Variants in AKT2 observed in about 807,000 individuals in gnomAD.
The protein encoded by AKT2 is RAC-beta serine/threonine-protein kinase.
In AKT2, 16 loss-of-function variants were observed where a neutral mutation model predicts 58.6. The observed-to-expected ratio is 0.27, with a 90% CI of 0.18 to 0.41. The LOEUF (loss-of-function observed/expected upper bound fraction) is 0.41. AKT2 is among the 10% of genes least tolerant of loss of function. The pLI is 1.00. For synonymous variants in AKT2, 253 were observed against 254.0 expected, an observed-to-expected ratio of 1.00 and a Z score of 0.04; for missense variants, 438 against 661.0, an observed-to-expected ratio of 0.66 and a Z score of 3.70.
chr19:40,275,280 C>T (rs1420091224), intron 1 of AKT2: 1 of 456,806 alleles, frequency 2.2e-6, no homozygotes, highest in South Asian at 1.5e-5. Context: ...TGCACGCATG[C>T]ACGGGAGCCC....
chr19:40,242,619 G>C lies in AKT2; in HGVS notation c.356C>G (p.Pro119Arg). The part of the protein sequence containing the change: ...SLKQRAPGED[P>R]MDYKCGSPSD... ...GGGGGAGCCACACTTGTAGTCCATG[G>C]GGTCCTCGCCTGGGGCCCGCTGCTT... The change falls in exon 5 of 14, where the codon CCC becomes CGC. Residue 119 changes from proline (P) to arginine (R), a missense_variant. By Grantham distance (103) the Pro-to-Arg change is moderately radical. This residue lies in a region of AKT2 where 244 missense variants were observed against 347.1 expected (regional missense o/e 0.70). Transcript: ENST00000392038. The surrounding 1 kb of genome is among the most constrained non-coding windows in gnomAD (Gnocchi z 4.3). 1 of 1,613,782 alleles carries C rather than the reference G, an allele frequency of 6.2e-7. No homozygotes were observed. The highest frequency in any genetic ancestry group is 8.5e-7 in the Non-Finnish European group (1 of 1,180,032).
At chr19:40,263,996 G>A (rs928111258) in intron 2 of AKT2, among the ~76,000 whole-genome samples, 1 of 152,004 alleles carries the variant, frequency 6.6e-6, no homozygotes, top group African/African-American at 2.4e-5. Context: ...TCCATGGCTC[G>A]CGCCACCGTG....
intron 1 of AKT2, among the ~76,000 whole-genome samples, chr19:40,281,490 TCAAAA>T (rs1434922194): frequency 6.6e-6 from 1 of 150,562 alleles, no homozygotes; most frequent in Non-Finnish European, 1.5e-5. Flanking sequence ...AGGCCCTGTC[TCAAAA>T]GAAAAAAAAA....
chr19:40,257,586 A>AACACAC (rs59835118), intron 2 of AKT2, among the ~76,000 whole-genome samples: 25,647 of 146,048 alleles, frequency 0.18, 2,591 homozygotes, highest in African/African-American at 0.28. Context: ...TATGCACACA[A>AACACAC]ACACACACAC....
In AKT2 at chr19:40,233,303, C is replaced by G; in HGVS notation, c.*569G>C. 5.1e-6 allele frequency: 2 copies of G among 390,628 alleles called. No homozygotes were observed. Among genetic ancestry groups the G allele is most frequent in the Non-Finnish European group, 9.7e-6 (2 of 206,410 alleles). The allele number at this position is 390,628 out of a possible 1,614,324, so 24.2% of individuals were successfully genotyped here. A position where few individuals can be genotyped will look rare whatever the true frequency, so the allele number is the denominator to read the frequency against. On this transcript the variant is annotated 3_prime_UTR_variant, in exon 14 of 14. Coordinates refer to ENST00000392038, the MANE Select transcript of AKT2 (RefSeq NM_001626.6). The surrounding 1 kb of genome is among the most constrained non-coding windows in gnomAD (Gnocchi z 4.3). The stretch of plus-strand genomic sequence containing the variant: ...CCATTCACCAGGGAGCAGCCCTAAC[C>G]CCCAGCCCTGCAGCTCCCAAGGGCC...
rs752087424 is a variant in AKT2 at position 40,239,994 on chromosome 19, C to T, written c.639+51G>A. On this transcript the variant is annotated intron_variant, in intron 7 of 13. Transcript: ENST00000392038. ...AGAAGATTAGGGCTCTCTCTCTGAG[C>T]TCTGTCCAAAGGCTGGCCTCACACT... The T allele has an allele frequency of 8.8e-6, 14 of 1,584,568 alleles. 1 individual carries two copies. The South Asian group carries it at 1.5e-4, about 18-fold the overall frequency.
At chr19:40,250,235 G>T (rs910855183) in intron 4 of AKT2, among the ~76,000 whole-genome samples, 1 of 152,176 alleles carries the variant, frequency 6.6e-6, no homozygotes, top group Non-Finnish European at 1.5e-5. Context: ...AGGCACGGTG[G>T]CTCACGCTTG....
chr19:40,265,381 C>G (rs967487081), intron 1 of AKT2, 30 bp from the exon 2 acceptor site: 2 of 1,538,866 alleles, frequency 1.3e-6, no homozygotes, highest in African/African-American at 2.7e-5. Flanking sequence ...CTGGTCAGGG[C>G]GGGAGGGGAT....
chr19:40,256,527 C>G (rs1975553967), intron 3 of AKT2, among the ~76,000 whole-genome samples: 1 of 152,128 alleles, frequency 6.6e-6, no homozygotes. Context: ...GGACGCGAGG[C>G]CAGCCCTGTG....
At chr19:40,282,435 C>A in intron 1 of AKT2, 2 of 468,078 alleles carry the variant, frequency 4.3e-6, no homozygotes, top group East Asian at 1.3e-4. Context: ...CTTCTTCTCC[C>A]AGCACACACC....
At chr19:40,264,278 C>T (rs1301248185) in intron 2 of AKT2, among the ~76,000 whole-genome samples, 2 of 152,196 alleles carry the variant, frequency 1.3e-5, no homozygotes, top group African/African-American at 2.4e-5. Context: ...GCGCTTCTCC[C>T]CATCTGCCTC....
chr19:40,244,653 C>T (rs1974634204), intron 4 of AKT2, among the ~76,000 whole-genome samples: 1 of 152,162 alleles, frequency 6.6e-6, no homozygotes, highest in Non-Finnish European at 1.5e-5. Context: ...ATAAAATGTT[C>T]ACTAAGAATG....
chr19:40,245,275 A>C (rs1281459788), intron 4 of AKT2, among the ~76,000 whole-genome samples: 2 of 152,114 alleles, frequency 1.3e-5, no homozygotes, highest in Non-Finnish European at 2.9e-5. Flanking sequence ...AAGGTAGCTC[A>C]CTCATGTAAT....
chr19:40,273,070 G>A lies in AKT2; in HGVS notation c.-84-7719C>T, dbSNP rs562820051. 1.1e-4 allele frequency among the ~76,000 whole-genome samples: 17 copies of A among 152,296 alleles called. No homozygotes were observed. In the East Asian group the frequency reaches 2.7e-3, roughly 24 times the overall value. On this transcript the variant is annotated intron_variant, in intron 1 of 13. Transcript: ENST00000392038. ...CAAATATTATCATCACTGGCCAGGC[G>A]CGGTGGCTCATGACTGTAATCCCAG...
chr19:40,267,620 A>C (rs1209841478), intron 1 of AKT2, among the ~76,000 whole-genome samples: 1 of 152,220 alleles, frequency 6.6e-6, no homozygotes, highest in African/African-American at 2.4e-5. Context: ...AAAGCGTCTT[A>C]TCTAATGAGC....
At chr19:40,239,165 C>T (rs1000292443) in intron 7 of AKT2, 192 bp from the exon 8 acceptor site, 5 of 578,866 alleles carry the variant, frequency 8.6e-6, no homozygotes, top group East Asian at 2.8e-5. Flanking sequence ...CATGGCTCTG[C>T]GGTAGGAAAG....
In AKT2 at chr19:40,235,355, G is replaced by A. The variant is rs762612232; in HGVS notation, c.1176-5C>T. The A allele has an allele frequency of 6.8e-6, 11 of 1,613,694 alleles. No homozygotes were observed. The South Asian group carries it at 9.9e-5, about 14-fold the overall frequency. On this transcript the variant is annotated splice_region_variant and splice_polypyrimidine_tract_variant and intron_variant, in intron 11 of 13. Coordinates refer to ENST00000392038, the MANE Select transcript of AKT2 (RefSeq NM_001626.6). This position sits in a 1 kb window ranked among gnomAD's most constrained non-coding sequence, Gnocchi z 6.3. The stretch of plus-strand genomic sequence containing the variant: ...TCGCTGGGCCCCCCACCAAGCCTGT[G>A]CAGAGACGGCCGTCAGCACCTGCCT...
rs777441998 is a variant in AKT2, at chr19:40,234,962, C to G, written c.1366+83G>C. 7 of 1,283,858 alleles carry G rather than the reference C, an allele frequency of 5.5e-6. No homozygotes were observed. Among genetic ancestry groups the G allele is most frequent in the Non-Finnish European group, 5.6e-6 (5 of 885,160 alleles). The allele number at this position is 1,283,858 out of a possible 1,614,324, so 79.5% of individuals were successfully genotyped here. ...CATGAAGCGGGGGCCTTCGAGGGCCCTCCTTGAGAAGTGAGTTAAGAGCAG... is the reference window on the plus strand; with the variant it reads ...CATGAAGCGGGGGCCTTCGAGGGCCGTCCTTGAGAAGTGAGTTAAGAGCAG... On this transcript the variant is annotated intron_variant, in intron 13 of 13. Transcript: ENST00000392038. The surrounding 1 kb of genome is among the most constrained non-coding windows in gnomAD (Gnocchi z 4.7).
chr19:40,273,707 C>A (rs1313228404), intron 1 of AKT2: 1 of 152,296 alleles, frequency 6.6e-6, no homozygotes, highest in African/African-American at 2.4e-5. Context: ...ACACACCTTC[C>A]CCCTCACGCC....
Sources: gnomAD v4.1 joint callset for allele counts (sites outside exome capture counted in the v4.1 genomes callset) on GRCh38, gnomAD v4.1.1 for gene constraint, gnomAD v4.1.1 regional missense constraint, Gnocchi (gnomAD v3.1) non-coding constraint, MANE v1.5 for transcripts, NCBI Gene and HGNC (gene_info 2026-07-23, HGNC 2026-07-21) for gene names.